TEKT5: variants seen among roughly 807,000 people sequenced by gnomAD.
The protein encoded by TEKT5 is tektin-5.
Under a neutral mutation model 48.7 loss-of-function variants are expected in TEKT5, and 52 were observed. The ratio of observed to expected loss-of-function variants is 1.07; its 90% confidence interval spans 0.86 to 1.35. The LOEUF is 1.35. TEKT5 is among the 40% of genes most tolerant of loss of function. TEKT5 has a pLI of 0.00. For synonymous variants in TEKT5, 318 were observed against 267.6 expected (o/e 1.19, Z -1.84); for missense variants, 831 against 641.6 (o/e 1.30, Z -3.19).
chr16:10,654,504 T>C (rs12926406), intron 5 of TEKT5, among the ~76,000 whole-genome samples: 2 of 152,048 alleles, frequency 1.3e-5, no homozygotes, highest in Admixed American at 6.5e-5. Flanking sequence ...TGATGAACTC[T>C]GCGGTCATGT....
chr16:10,654,587 G>A (rs962055668), intron 5 of TEKT5, among the ~76,000 whole-genome samples: 1 of 152,134 alleles, frequency 6.6e-6, no homozygotes, highest in Non-Finnish European at 1.5e-5. Flanking sequence ...GGGTGAATTC[G>A]CTCTCTCTGC....
chr16:10,688,224 TACACCTC>T (rs1898897459), intron 3 of TEKT5, among the ~76,000 whole-genome samples: 1 of 152,258 alleles, frequency 6.6e-6, no homozygotes, highest in Admixed American at 6.5e-5. Flanking sequence ...ATCTTCTCTG[TACACCTC>T]CACCCCGATG....
At chr16:10,662,008 T>C (rs577629633) in intron 5 of TEKT5, among the ~76,000 whole-genome samples, 1 of 152,320 alleles carries the variant, frequency 6.6e-6, no homozygotes, top group Non-Finnish European at 1.5e-5. Flanking sequence ...GCCATCTACC[T>C]ATCTACTATC....
At chr16:10,631,083 T>TAC (rs1555464267) in intron 6 of TEKT5, among the ~76,000 whole-genome samples, 234 of 148,730 alleles carry the variant, frequency 1.6e-3, no homozygotes, top group South Asian at 4.3e-3. Flanking sequence ...TATATATATA[T>TAC]ACACACACAC....
intron 5 of TEKT5, among the ~76,000 whole-genome samples, chr16:10,657,004 G>A (rs1329850925): frequency 6.6e-6 from 1 of 152,268 alleles, no homozygotes; most frequent in East Asian, 1.9e-4. Flanking sequence ...CTCTCAAAGT[G>A]CTGGGATTAC....
intron 5 of TEKT5, among the ~76,000 whole-genome samples, chr16:10,663,383 G>T (rs1898407085): frequency 6.6e-6 from 1 of 152,216 alleles, no homozygotes; most frequent in African/African-American, 2.4e-5. Flanking sequence ...GCTTCTGGAT[G>T]TTTTGTGCAA....
chr16:10,670,417 G>T (rs758209900), intron 5 of TEKT5, among the ~76,000 whole-genome samples: 28 of 152,088 alleles, frequency 1.8e-4, no homozygotes, highest in Non-Finnish European at 2.9e-4. Context: ...TACTCAGGAG[G>T]CTGAGGCAGG....
intron 5 of TEKT5, among the ~76,000 whole-genome samples, chr16:10,650,020 C>T (rs1476795100): frequency 2.6e-5 from 4 of 151,958 alleles, no homozygotes; most frequent in Non-Finnish European, 5.9e-5. Context: ...CACTTTCTTC[C>T]TCCCCCTGGT....
At chr16:10,648,058 T>A (rs1898098368) in intron 5 of TEKT5, among the ~76,000 whole-genome samples, 1 of 152,144 alleles carries the variant, frequency 6.6e-6, no homozygotes, top group Admixed American at 6.5e-5. Flanking sequence ...CCCTCCCACC[T>A]CCTGTTAAAA....
In TEKT5 at chr16:10,694,330, C is replaced by T. The variant is rs751858103; in HGVS notation, c.544G>A (p.Glu182Lys). 3 of 1,603,716 alleles carry T rather than the reference C, an allele frequency of 1.9e-6. No homozygotes were observed. The highest frequency in any genetic ancestry group is 3.4e-5 in the Admixed American group (2 of 59,368). ...VKRRLECAAN[E>K]VNCPLQVALE... ...CTCACCTGCAATGGGCAGTTCACCT[C>T]ATTGGCCGCGCACTCCAGCCGCCTC... The change falls in exon 1 of 7, where the codon GAG becomes AAG. Residue 182 changes from glutamate (E) to lysine (K), a missense_variant. Transcript: ENST00000283025.
chr16:10,676,289 T>A lies in TEKT5; in HGVS notation c.864-108A>T, dbSNP rs2142301874. On this transcript the variant is annotated intron_variant, in intron 4 of 6. Transcript: ENST00000283025. Reference sequence around the variant, plus strand: ...TGGGTCGGGATTATTCTCTGTCCTGTGCATTGTAGGGTGCTTGGGATGTTT... The same window carrying A: ...TGGGTCGGGATTATTCTCTGTCCTGAGCATTGTAGGGTGCTTGGGATGTTT... 2.8e-6 allele frequency: 3 copies of A among 1,070,684 alleles called. No individual in the cohort carries two copies. The East Asian group carries it at 7.7e-5, about 27-fold the overall frequency. The allele number at this position is 1,070,684 out of a possible 1,614,324, so 66.3% of individuals were successfully genotyped here.
chr16:10,640,669 T>C (rs1398287182), intron 5 of TEKT5, among the ~76,000 whole-genome samples: 1 of 152,140 alleles, frequency 6.6e-6, no homozygotes, highest in Non-Finnish European at 1.5e-5. Context: ...GATAAACACT[T>C]CTGTCACGGT....
Position 10,689,240 on chromosome 16 carries a change from A to G in TEKT5, c.719+13T>C, listed in dbSNP as rs773472206. ...CCCAAGGAGAGGGAATTAAAAAAAA[A>G]AAAAGCCCTTACCGCATCTGGATAT... On this transcript the variant is annotated intron_variant, in intron 3 of 6. Transcript: ENST00000283025. 1 of 1,589,710 alleles carries G rather than the reference A, an allele frequency of 6.3e-7. No homozygotes were observed. Among genetic ancestry groups the G allele is most frequent in the East Asian group, 2.2e-5 (1 of 44,796 alleles).
chr16:10,660,307 A>T (rs767192592), intron 5 of TEKT5, among the ~76,000 whole-genome samples: 16 of 152,194 alleles, frequency 1.1e-4, no homozygotes, highest in Non-Finnish European at 2.2e-4. Flanking sequence ...GGCAGGTGGC[A>T]GGTGGCTCTT....
At chr16:10,655,188 G>T (rs1898240322) in intron 5 of TEKT5, among the ~76,000 whole-genome samples, 1 of 151,962 alleles carries the variant, frequency 6.6e-6, no homozygotes, top group Non-Finnish European at 1.5e-5. Context: ...CACACATGCT[G>T]AACGGGTAAC....
At chr16:10,660,848 A>T (rs1056381530) in intron 5 of TEKT5, among the ~76,000 whole-genome samples, 1 of 151,940 alleles carries the variant, frequency 6.6e-6, no homozygotes, top group South Asian at 2.1e-4. Context: ...TTACAGGCCC[A>T]CACCGCCACG....
intron 3 of TEKT5, 54 bp downstream of exon 3, chr16:10,689,199 G>C: frequency 2.7e-6 from 4 of 1,462,930 alleles, no homozygotes; most frequent in Non-Finnish European, 3.7e-6. Context: ...AGAAATCTGA[G>C]AGTCCTAAAA....
At chr16:10,644,900 G>A (rs564983904) in intron 5 of TEKT5, among the ~76,000 whole-genome samples, 79 of 152,186 alleles carry the variant, frequency 5.2e-4, no homozygotes, top group Non-Finnish European at 9.3e-4. Context: ...TGTGCTGGAG[G>A]TGGGGCCTCT....
chr16:10,627,508 C>T lies in TEKT5; in HGVS notation c.*75G>A. ...AAAAAAGAAAGTCGGCCCTTTCAAACAAAATACTGTTTTACTTTGTTTCTC... is the reference window on the plus strand; with the variant it reads ...AAAAAAGAAAGTCGGCCCTTTCAAATAAAATACTGTTTTACTTTGTTTCTC... On this transcript the variant is annotated 3_prime_UTR_variant, in exon 7 of 7. Transcript: ENST00000283025. 1 of 1,502,592 alleles carries T rather than the reference C, an allele frequency of 6.7e-7. No individual in the cohort carries two copies. Among genetic ancestry groups the T allele is most frequent in the Non-Finnish European group, 9.2e-7 (1 of 1,089,996 alleles). The allele number at this position is 1,502,592 out of a possible 1,614,324, so 93.1% of individuals were successfully genotyped here.
Sources: gnomAD v4.1 joint callset for allele counts (sites outside exome capture counted in the v4.1 genomes callset) on GRCh38, gnomAD v4.1.1 for gene constraint, MANE v1.5 for transcripts, NCBI Gene and HGNC (gene_info 2026-07-23, HGNC 2026-07-21) for gene names.